The following NTM variants were observed in gnomAD, a reference collection of about 807,000 sequenced individuals.
NTM encodes neurotrimin, also known as IgLON family member 2.
Under a neutral mutation model 42.1 loss-of-function variants are expected in NTM, and 13 were observed. The ratio of observed to expected loss-of-function variants is 0.31; its 90% CI spans 0.20 to 0.49. The LOEUF is 0.49. Among genes scored for constraint, NTM ranks in the 20% least tolerant of loss-of-function variants. The pLI, the probability that NTM is intolerant of heterozygous loss-of-function variation, is 0.99. For synonymous variants in NTM, 187 were observed against 179.2 expected (o/e 1.04, Z -0.35); for missense variants, 373 against 452.8 (o/e 0.82, Z 1.60).
intron 1 of NTM, among the ~76,000 whole-genome samples, chr11:131,629,181 A>G (rs2063414015): frequency 3.9e-5 from 6 of 152,224 alleles, no homozygotes; most frequent in Admixed American, 3.9e-4. Flanking sequence ...AGGTCTTCCC[A>G]GGGACTTAAT....
At chr11:131,464,615 TACTC>T (rs1246119280) in intron 1 of NTM, among the ~76,000 whole-genome samples, 1 of 152,130 alleles carries the variant, frequency 6.6e-6, no homozygotes, top group East Asian at 1.9e-4. Flanking sequence ...ATATTCTACA[TACTC>T]AGGCAGTCTG....
chr11:131,824,737 G>A (rs1285040298), intron 1 of NTM, among the ~76,000 whole-genome samples: 1 of 152,158 alleles, frequency 6.6e-6, no homozygotes, highest in Non-Finnish European at 1.5e-5. Flanking sequence ...TTAGGCTGTG[G>A]TCTTCCTCAG....
intron 1 of NTM, among the ~76,000 whole-genome samples, chr11:131,595,092 A>G (rs2059702554): frequency 6.6e-6 from 1 of 152,208 alleles, no homozygotes; most frequent in African/African-American, 2.4e-5. Context: ...GGAATTCCAC[A>G]TCATAGCTGT....
At chr11:131,504,890 T>G (rs55734284) in intron 1 of NTM, among the ~76,000 whole-genome samples, 11,362 of 152,188 alleles carry the variant, frequency 0.075, 463 homozygotes, top group Middle Eastern at 0.15. Context: ...TTTTGGCAAT[T>G]GGCGGTCATG....
At chr11:131,424,606 T>C (rs1434959613) in intron 1 of NTM, among the ~76,000 whole-genome samples, 1 of 134,176 alleles carries the variant, frequency 7.5e-6, no homozygotes, top group Non-Finnish European at 1.6e-5. Context: ...TTTTCTTTTT[T>C]TTTTTTTTTT....
intron 3 of NTM, among the ~76,000 whole-genome samples, chr11:132,186,801 C>G (rs1336696813): frequency 6.6e-6 from 1 of 152,188 alleles, no homozygotes; most frequent in Admixed American, 6.5e-5. Context: ...CTCAAATGCA[C>G]CAGGGATAGG....
intron 1 of NTM, among the ~76,000 whole-genome samples, chr11:131,646,261 C>G (rs1003302882): frequency 2.0e-5 from 3 of 152,308 alleles, no homozygotes; most frequent in Middle Eastern, 3.4e-3. Context: ...AACAGCAGAG[C>G]TGAATAGTTG....
intron 2 of NTM, among the ~76,000 whole-genome samples, chr11:132,031,542 G>A (rs1186696597): frequency 6.6e-6 from 1 of 152,158 alleles, no homozygotes; most frequent in African/African-American, 2.4e-5. Context: ...GAGATAAAGA[G>A]ATGGGTCAAG....
At chr11:131,496,686 C>G (rs1180320884) in intron 1 of NTM, among the ~76,000 whole-genome samples, 2 of 152,156 alleles carry the variant, frequency 1.3e-5, no homozygotes, top group Non-Finnish European at 2.9e-5. Flanking sequence ...TTAGCTTGTT[C>G]CAGTTCAATA....
At chr11:132,317,830 T>C (rs1396373273) in intron 7 of NTM, 6 of 421,016 alleles carry the variant, frequency 1.4e-5, no homozygotes, top group Admixed American at 3.1e-5. Context: ...AGGTGATTGA[T>C]TGGGAGCCAG....
intron 1 of NTM, among the ~76,000 whole-genome samples, chr11:131,595,192 G>A (rs2059711837): frequency 6.6e-6 from 1 of 152,110 alleles, no homozygotes; most frequent in African/African-American, 2.4e-5. Flanking sequence ...TCTGTCTAGG[G>A]CTCATCCAGC....
At chr11:131,980,288 G>A (rs1057420807) in intron 2 of NTM, among the ~76,000 whole-genome samples, 7 of 152,094 alleles carry the variant, frequency 4.6e-5, no homozygotes, top group East Asian at 1.9e-4. Context: ...GAATAAGGCC[G>A]ATTTATTTTC....
intron 1 of NTM, among the ~76,000 whole-genome samples, chr11:131,388,788 AATCACTTGAGGTCAGGAGTTTGAG>A (rs1481818804): frequency 4.0e-5 from 6 of 151,578 alleles, no homozygotes; most frequent in Non-Finnish European, 7.4e-5. Flanking sequence ...GAGGCGGGCG[AATCACTTGAGGTCAGGAGTTTGAG>A]ACCAGCCTGG....
At chr11:131,501,894 T>C (rs932489286) in intron 1 of NTM, among the ~76,000 whole-genome samples, 4 of 151,902 alleles carry the variant, frequency 2.6e-5, no homozygotes, top group Non-Finnish European at 5.9e-5. Flanking sequence ...TGTGTGTGTG[T>C]GCACATGTGA....
chr11:132,138,314 C>T (rs2068355105), intron 2 of NTM, among the ~76,000 whole-genome samples: 1 of 152,056 alleles, frequency 6.6e-6, no homozygotes, highest in South Asian at 2.1e-4. Context: ...GGGGGAACAG[C>T]AAAATTTTGC....
chr11:131,930,014 A>G (rs144224933), intron 2 of NTM, among the ~76,000 whole-genome samples: 184 of 152,232 alleles, frequency 1.2e-3, no homozygotes, highest in African/African-American at 4.2e-3. Flanking sequence ...ATTACTGTTC[A>G]TTTGGTGTTG....
intron 2 of NTM, among the ~76,000 whole-genome samples, chr11:132,139,474 C>T (rs954145838): frequency 9.2e-5 from 14 of 152,330 alleles, no homozygotes; most frequent in East Asian, 1.9e-4. Context: ...AGAAAAGTCA[C>T]GGCCCACCAA....
intron 1 of NTM, among the ~76,000 whole-genome samples, chr11:131,389,024 A>AAAAAAAAAAAGAAAAGAAAAG (rs774146196): frequency 1.8e-3 from 161 of 89,832 alleles, no homozygotes; most frequent in Non-Finnish European, 2.4e-3. Flanking sequence ...AAAAAAAAAA[A>AAAAAAAAAAAGAAAAGAAAAG]AAAAGAAAAG....
Position 132,003,053 on chromosome 11 carries a change from A to G in NTM, c.167+91405A>G, listed in dbSNP as rs940126871. Among the ~76,000 whole-genome samples the G allele has an allele frequency of 3.3e-5, 5 of 152,156 alleles. No homozygotes were observed. Among genetic ancestry groups the G allele is most frequent in the South Asian group, 2.1e-4 (1 of 4,832 alleles). On this transcript the variant is annotated intron_variant, in intron 2 of 8. Transcript: ENST00000683400. The surrounding 1 kb of genome is among the most constrained non-coding windows in gnomAD (Gnocchi z 6.0). ...GTTAGGGTTAGGAAAGTAACTAGTG[A>G]GCGCACTAAACAGTAAGATGCGCTG...
Sources: gnomAD v4.1 joint callset for allele counts (sites outside exome capture counted in the v4.1 genomes callset) on GRCh38, gnomAD v4.1.1 for gene constraint, Gnocchi (gnomAD v3.1) non-coding constraint, MANE v1.5 for transcripts, NCBI Gene and HGNC (gene_info 2026-07-23, HGNC 2026-07-21) for gene names.